RASSF3: variants seen among roughly 807,000 people sequenced by gnomAD.
The protein encoded by RASSF3 is ras association domain-containing protein 3.
A neutral mutation model predicts 19.9 loss-of-function variants in RASSF3; 19 were observed. That is an observed-to-expected ratio of 0.96 (90% CI 0.67 to 1.40). The LOEUF (loss-of-function observed/expected upper bound fraction) is 1.40. Among genes scored for constraint, RASSF3 ranks in the 40% most tolerant of loss-of-function variants. The pLI, the probability that RASSF3 is intolerant of heterozygous loss-of-function variation, is 0.00. For synonymous variants in RASSF3, 110 were observed against 104.2 expected (o/e 1.06, Z -0.34); for missense variants, 306 against 289.8 (o/e 1.06, Z -0.41).
chr12:64,544,732 A>G (rs1592396172), downstream of RASSF3, among the ~76,000 whole-genome samples: 1 of 152,182 alleles, frequency 6.6e-6, no homozygotes, highest in African/African-American at 2.4e-5. Flanking sequence ...TACTGAAACT[A>G]GGCAGCAATA....
At chr12:64,531,025 T>G (rs1868696710), upstream of RASSF3, among the ~76,000 whole-genome samples, 1 of 152,230 alleles carries the variant, frequency 6.6e-6, no homozygotes, top group African/African-American at 2.4e-5. Context: ...TTGTATCTTT[T>G]GACGAGTAGT....
At chr12:64,680,517 G>C (rs1263536124) in intron 1 of RASSF3, among the ~76,000 whole-genome samples, 1 of 152,098 alleles carries the variant, frequency 6.6e-6, no homozygotes, top group Admixed American at 6.5e-5. Context: ...AGGCCTTGGT[G>C]TATGATTGCT....
chr12:64,656,286 A>G (rs1053468652), intron 1 of RASSF3, among the ~76,000 whole-genome samples: 5 of 152,170 alleles, frequency 3.3e-5, no homozygotes, highest in African/African-American at 7.2e-5. Flanking sequence ...GCTTAAAAAC[A>G]TATTATTGGG....
rs572131021 is a variant in RASSF3 at position 64,549,084 on chromosome 12, T to C, written c.294+7379T>C. Among the ~76,000 whole-genome samples the C allele has an allele frequency of 7.2e-5, 11 of 152,166 alleles. No homozygotes were observed. The East Asian group carries it at 7.7e-4, about 11-fold the overall frequency. ...AGCCCAACAACACTTGAATTTCTAA[T>C]TGGGGTAAGGTGGGGACATAAGGGT... On this transcript the variant is annotated intron_variant, in intron 2 of 5. Coordinates refer to the RASSF3 transcript ENST00000637125.
At chr12:64,529,144 T>C (rs572377585), upstream of RASSF3, among the ~76,000 whole-genome samples, 12 of 152,340 alleles carry the variant, frequency 7.9e-5, no homozygotes, top group African/African-American at 2.9e-4. Flanking sequence ...TTAGGAGATA[T>C]GAAACTTGTT....
chr12:64,524,212 C>T (rs573338264), intron 1 of RASSF3, among the ~76,000 whole-genome samples: 8 of 145,954 alleles, frequency 5.5e-5, no homozygotes, highest in South Asian at 2.2e-4. Flanking sequence ...CCACCATGCC[C>T]GGCAATTTTA....
At chr12:64,653,641 T>G (rs1872043740) in intron 1 of RASSF3, among the ~76,000 whole-genome samples, 1 of 151,914 alleles carries the variant, frequency 6.6e-6, no homozygotes, top group South Asian at 2.1e-4. Context: ...CATGGCTCAT[T>G]GGAGCAGCCT....
downstream of RASSF3, among the ~76,000 whole-genome samples, chr12:64,543,762 T>C (rs1467937244): frequency 6.6e-6 from 1 of 151,658 alleles, no homozygotes; most frequent in Non-Finnish European, 1.5e-5. Context: ...AGCTAAGGGA[T>C]TGTGAATACA....
chr12:64,650,183 CCT>C (rs1384007408), intron 1 of RASSF3, among the ~76,000 whole-genome samples: 1 of 152,102 alleles, frequency 6.6e-6, no homozygotes, highest in Non-Finnish European at 1.5e-5. Flanking sequence ...TTGGATTCAC[CCT>C]GTTTGAGCCT....
At position 64,540,865 on chromosome 12, in the gene RASSF3, G is replaced by T. The variant is rs142229787; in HGVS notation, c.68-716G>T. 8.9e-3 allele frequency among the ~76,000 whole-genome samples: 1,357 copies of T among 152,142 alleles called. 13 individuals are homozygous for T. Among genetic ancestry groups the T allele is most frequent in the African/African-American group, 0.031 (1,292 of 41,510 alleles). ...AGCTCACTGCAGCCTCGACCTTCTG[G>T]GCTCAAGCAATCCTCTCAACTCAAC... On this transcript the variant is annotated intron_variant, in intron 1 of 1. Coordinates refer to the RASSF3 transcript ENST00000636333.
At chr12:64,672,698 C>T (rs955457070) in intron 1 of RASSF3, among the ~76,000 whole-genome samples, 3 of 152,130 alleles carry the variant, frequency 2.0e-5, no homozygotes, top group African/African-American at 4.8e-5. Flanking sequence ...TTTGTTCAGA[C>T]GGTGGGGAGG....
chr12:64,685,623 G>A (rs541962644), intron 2 of RASSF3, among the ~76,000 whole-genome samples: 2 of 152,206 alleles, frequency 1.3e-5, no homozygotes, highest in South Asian at 4.1e-4. Flanking sequence ...GTATATAATA[G>A]GATAGTTTTC....
chr12:64,560,586 A>G (rs781291749), intron 2 of RASSF3, among the ~76,000 whole-genome samples: 5 of 152,200 alleles, frequency 3.3e-5, no homozygotes, highest in Non-Finnish European at 5.9e-5. Flanking sequence ...TGTGCGAGGA[A>G]CTATCCACGC....
chr12:64,645,543 AT>A (rs953142133), intron 1 of RASSF3, among the ~76,000 whole-genome samples: 6 of 151,340 alleles, frequency 4.0e-5, no homozygotes, highest in Admixed American at 2.6e-4. Context: ...AAATAAAGAA[AT>A]TTTTTTTTAT....
intron 2 of RASSF3, among the ~76,000 whole-genome samples, chr12:64,598,615 G>T (rs1391392885): frequency 6.6e-6 from 1 of 152,182 alleles, no homozygotes; most frequent in Non-Finnish European, 1.5e-5. Flanking sequence ...CAGAAATTCT[G>T]AGGGCACTGT....
chr12:64,531,716 C>T (rs375449903), upstream of RASSF3, among the ~76,000 whole-genome samples: 1 of 152,206 alleles, frequency 6.6e-6, no homozygotes, highest in Admixed American at 6.5e-5. Flanking sequence ...CTCCTTCCCT[C>T]GGGTGTGTAA....
chr12:64,612,202 T>G (rs1296245250), intron 1 of RASSF3, among the ~76,000 whole-genome samples: 1 of 152,202 alleles, frequency 6.6e-6, no homozygotes, highest in African/African-American at 2.4e-5. Context: ...ATTTTTGCTT[T>G]CTCTTTCTTG....
chr12:64,553,962 G>A (rs1011433661), intron 2 of RASSF3, among the ~76,000 whole-genome samples: 1 of 141,932 alleles, frequency 7.0e-6, no homozygotes, highest in Non-Finnish European at 1.5e-5. Context: ...GGGTGACAGA[G>A]TGAGATCCTG....
chr12:64,592,465 G>T (rs942412682), intron 2 of RASSF3, among the ~76,000 whole-genome samples: 1 of 151,790 alleles, frequency 6.6e-6, no homozygotes, highest in South Asian at 2.1e-4. Context: ...TTTTTTTTCA[G>T]TGTGTCTTTG....
Sources: gnomAD v4.1 joint callset for allele counts (sites outside exome capture counted in the v4.1 genomes callset) on GRCh38, gnomAD v4.1.1 for gene constraint, MANE v1.5 for transcripts, NCBI Gene and HGNC (gene_info 2026-07-23, HGNC 2026-07-21) for gene names.